GRM7: variants seen among roughly 807,000 people sequenced by gnomAD.
The protein encoded by GRM7 is metabotropic glutamate receptor 7.
In GRM7, 35 loss-of-function variants were observed where a neutral mutation model predicts 84.5. That is an observed-to-expected ratio of 0.41 (90% CI 0.32 to 0.55). The LOEUF (loss-of-function observed/expected upper bound fraction) is 0.55. Among genes scored for constraint, GRM7 ranks in the 20% least tolerant of loss-of-function variants. The pLI is 0.19. For synonymous variants in GRM7, 487 were observed against 455.1 expected (o/e 1.07, Z -0.89); for missense variants, 1,003 against 1,194.6 (o/e 0.84, Z 2.36).
In GRM7 at chr3:6,862,070, C is replaced by T. The variant is rs1326689133; in HGVS notation, c.519+163C>T. Among the ~76,000 whole-genome samples, 1 of 152,012 alleles carries T rather than the reference C, an allele frequency of 6.6e-6. No homozygotes were observed. Among genetic ancestry groups the T allele is most frequent in the African/African-American group, 2.4e-5 (1 of 41,404 alleles). On this transcript the variant is annotated intron_variant, in intron 1 of 9. Transcript: ENST00000357716. The surrounding 1 kb of genome is among the most constrained non-coding windows in gnomAD (Gnocchi z 5.2). Reference sequence around the variant, plus strand: ...CCCACCCCGCTCGAGGAGATACCTTCCCTGCTTGGTTTATTTCCCTTCCAT... The same window carrying T: ...CCCACCCCGCTCGAGGAGATACCTTTCCTGCTTGGTTTATTTCCCTTCCAT...
At position 7,356,609 on chromosome 3, in the gene GRM7, G is replaced by T. The variant is rs114033588; in HGVS notation, c.1033+49957G>T. ...TAAGCCACCACTCCCGGCCAGCAGA[G>T]GAAGATTTTAATAATCAAGTAGATA... On this transcript the variant is annotated intron_variant, in intron 4 of 9. Coordinates refer to ENST00000357716, the MANE Select transcript of GRM7 (RefSeq NM_000844.4). 5.6e-3 allele frequency among the ~76,000 whole-genome samples: 859 copies of T among 152,148 alleles called. 7 individuals carry two copies. The highest frequency in any genetic ancestry group is 0.018 in the African/African-American group (732 of 41,540).
chr3:7,125,770 A>G (rs1462837331), intron 1 of GRM7, among the ~76,000 whole-genome samples: 91 of 152,184 alleles, frequency 6.0e-4, no homozygotes, highest in Non-Finnish European at 2.1e-4. Context: ...GGCAGTAAAA[A>G]TATTTACAGT....
intron 1 of GRM7, among the ~76,000 whole-genome samples, chr3:6,955,759 A>G (rs969521871): frequency 3.3e-5 from 5 of 150,924 alleles, no homozygotes; most frequent in African/African-American, 4.9e-5. Context: ...CGAGAATCAC[A>G]TGAACCCTTA....
chr3:6,965,123 G>T (rs1384766768), intron 1 of GRM7, among the ~76,000 whole-genome samples: 1 of 152,062 alleles, frequency 6.6e-6, no homozygotes, highest in African/African-American at 2.4e-5. Context: ...AGAAATAAAT[G>T]ATGAGCAAAA....
intron 1 of GRM7, among the ~76,000 whole-genome samples, chr3:6,984,368 A>G (rs1028666256): frequency 2.6e-5 from 4 of 152,200 alleles, no homozygotes; most frequent in African/African-American, 9.6e-5. Context: ...ACTCTCTCCA[A>G]CTGCTGTTTA....
At chr3:6,975,255 G>C (rs868666805) in intron 1 of GRM7, among the ~76,000 whole-genome samples, 1 of 152,138 alleles carries the variant, frequency 6.6e-6, no homozygotes, top group Admixed American at 6.5e-5. Context: ...AAGAAGAAGC[G>C]AGAAATGGTC....
chr3:7,058,960 A>G (rs1011867706), intron 1 of GRM7, among the ~76,000 whole-genome samples: 3 of 151,934 alleles, frequency 2.0e-5, no homozygotes, highest in South Asian at 2.1e-4. Flanking sequence ...TGCTTGGACT[A>G]GTATAAGCAT....
intron 1 of GRM7, among the ~76,000 whole-genome samples, chr3:7,008,776 T>C (rs1695267667): frequency 6.6e-6 from 1 of 152,162 alleles, no homozygotes; most frequent in Non-Finnish European, 1.5e-5. Flanking sequence ...GTTTTATTCT[T>C]CCTTTCCTCC....
chr3:6,967,763 A>G (rs1693585293), intron 1 of GRM7, among the ~76,000 whole-genome samples: 1 of 152,184 alleles, frequency 6.6e-6, no homozygotes, highest in Non-Finnish European at 1.5e-5. Context: ...ATTTCAATAC[A>G]GGACTGGGGA....
chr3:7,021,532 T>C (rs1695775133), intron 1 of GRM7, among the ~76,000 whole-genome samples: 1 of 152,196 alleles, frequency 6.6e-6, no homozygotes, highest in African/African-American at 2.4e-5. Flanking sequence ...AATTCTCACA[T>C]CTCAGTTCTG....
chr3:7,319,718 T>A (rs550606243), intron 4 of GRM7, among the ~76,000 whole-genome samples: 19 of 152,186 alleles, frequency 1.2e-4, no homozygotes, highest in African/African-American at 4.3e-4. Context: ...CCTTAATTTA[T>A]TAGGGCTAAA....
intron 1 of GRM7, among the ~76,000 whole-genome samples, chr3:7,050,045 T>C (rs1245435380): frequency 6.6e-6 from 1 of 151,846 alleles, no homozygotes; most frequent in Non-Finnish European, 1.5e-5. Flanking sequence ...ACAGAAAATA[T>C]CACTCCTGTT....
At chr3:6,897,942 G>A (rs897614212) in intron 1 of GRM7, among the ~76,000 whole-genome samples, 2 of 152,176 alleles carry the variant, frequency 1.3e-5, no homozygotes, top group Non-Finnish European at 2.9e-5. Context: ...TAAGTTGAGG[G>A]ATGCCGCCAT....
chr3:6,872,351 A>T (rs968705458), intron 1 of GRM7, among the ~76,000 whole-genome samples: 3 of 151,864 alleles, frequency 2.0e-5, no homozygotes, highest in South Asian at 4.2e-4. Context: ...TGCATGCTCC[A>T]TTTCTCTCTC....
intron 1 of GRM7, among the ~76,000 whole-genome samples, chr3:6,876,350 C>T (rs1695302497): frequency 6.6e-6 from 1 of 151,770 alleles, no homozygotes; most frequent in Non-Finnish European, 1.5e-5. Flanking sequence ...TTGTTTGCTT[C>T]TCCCCAGTTA....
chr3:7,137,382 T>C (rs1693805151), intron 1 of GRM7, among the ~76,000 whole-genome samples: 1 of 151,986 alleles, frequency 6.6e-6, no homozygotes. Context: ...CTTGAAAGAG[T>C]ATGATTTTTA....
intron 7 of GRM7, among the ~76,000 whole-genome samples, chr3:7,540,705 G>T (rs1280794550): frequency 6.6e-6 from 1 of 152,172 alleles, no homozygotes; most frequent in Non-Finnish European, 1.5e-5. Context: ...TAAAATGGCA[G>T]ATTTGATGTA....
At chr3:7,215,363 T>C (rs1696565851) in intron 2 of GRM7, among the ~76,000 whole-genome samples, 1 of 152,144 alleles carries the variant, frequency 6.6e-6, no homozygotes, top group South Asian at 2.1e-4. Flanking sequence ...TGAAGTGATA[T>C]TAAAAATAAA....
At chr3:6,875,729 ATAT>A (rs976435614) in intron 1 of GRM7, among the ~76,000 whole-genome samples, 1 of 152,180 alleles carries the variant, frequency 6.6e-6, no homozygotes, top group Non-Finnish European at 1.5e-5. Context: ...ATTTACAAAA[ATAT>A]TATTTGATCA....
Sources: gnomAD v4.1 joint callset for allele counts (sites outside exome capture counted in the v4.1 genomes callset) on GRCh38, gnomAD v4.1.1 for gene constraint, Gnocchi (gnomAD v3.1) non-coding constraint, MANE v1.5 for transcripts, NCBI Gene and HGNC (gene_info 2026-07-23, HGNC 2026-07-21) for gene names.